Variants in TMC7 observed in about 807,000 individuals in gnomAD.
The protein encoded by TMC7 is transmembrane channel-like protein 7.
TMC7 carries 54 observed loss-of-function variants against 82.9 expected under a neutral mutation model. The ratio of observed to expected loss-of-function variants is 0.65; its 90% CI spans 0.52 to 0.82. The LOEUF is 0.82. Among genes scored for constraint, TMC7 ranks in the 40% least tolerant of loss-of-function variants. TMC7 has a pLI of 0.00. For missense variants in TMC7, 820 were observed against 901.2 expected (o/e 0.91, Z 1.15); for synonymous variants, 350 against 337.9 (o/e 1.04, Z -0.39).
Position 19,034,872 on chromosome 16 carries a change from A to G in TMC7, c.858-804A>G, listed in dbSNP as rs932785076. Among the ~76,000 whole-genome samples the G allele has an allele frequency of 1.6e-4, 25 of 152,158 alleles. 1 individual carries two copies. Among genetic ancestry groups the G allele is most frequent in the Non-Finnish European group, 1.5e-5 (1 of 68,022 alleles). On this transcript the variant is annotated intron_variant, in intron 6 of 15. Transcript: ENST00000304381. The stretch of plus-strand genomic sequence containing the variant: ...AAAGCAAGTATAGTTACATGGGAGG[A>G]GAGACGACAGCAGAGCTGGATCATA...
At chr16:19,053,776 A>G (rs978333972) in intron 13 of TMC7, among the ~76,000 whole-genome samples, 2 of 150,128 alleles carry the variant, frequency 1.3e-5, no homozygotes, top group African/African-American at 2.5e-5. Context: ...GTGAAAATTC[A>G]TTTTCTCATT....
At chr16:19,006,270 G>A (rs1399165732) in intron 1 of TMC7, among the ~76,000 whole-genome samples, 3 of 150,584 alleles carry the variant, frequency 2.0e-5, no homozygotes, top group African/African-American at 2.5e-5. Context: ...GCACGATCTC[G>A]GCTCACTGCA....
intron 1 of TMC7, among the ~76,000 whole-genome samples, chr16:19,002,219 T>C (rs1056322326): frequency 3.3e-5 from 5 of 150,984 alleles, no homozygotes; most frequent in African/African-American, 1.2e-4. Context: ...CATTCATTCT[T>C]CAGATGGAGG....
At chr16:19,028,627 C>A (rs1415988816) in intron 5 of TMC7, among the ~76,000 whole-genome samples, 2 of 151,796 alleles carry the variant, frequency 1.3e-5, no homozygotes, top group Non-Finnish European at 2.9e-5. Context: ...GGATGTTGTC[C>A]GTTTCTTTAG....
intron 7 of TMC7, 101 bp downstream of exon 7, chr16:19,035,924 G>A: frequency 3.8e-6 from 5 of 1,322,746 alleles, no homozygotes; most frequent in South Asian, 1.5e-5. Flanking sequence ...GTCGGGGACA[G>A]GTTGTCCCTG....
chr16:19,003,841 G>A (rs368279774), intron 1 of TMC7, among the ~76,000 whole-genome samples: 1 of 99,994 alleles, frequency 1.0e-5, no homozygotes, highest in African/African-American at 4.0e-5. Context: ...CAGCATGCTC[G>A]TTAAGAGTCA....
chr16:18,984,153 C>A, intron 1 of TMC7, 23 bp downstream of exon 1: 3 of 1,488,104 alleles, frequency 2.0e-6, no homozygotes, highest in East Asian at 2.8e-5. Context: ...GGAGCGCGCG[C>A]GGGGACGGTG....
rs1356521868 is a variant in TMC7 at position 19,063,697 on chromosome 16, T to TGTGTGA, written c.*1855_*1856insTGTGAG. Reference sequence around the variant, plus strand: ...TTGTGTGTGTGTGTGTGTGTGTGTGTGATGAACACAACGAAAACGTACTGC... The same window carrying TGTGTGA: ...TTGTGTGTGTGTGTGTGTGTGTGTGTGTGTGAGATGAACACAACGAAAACGTACTGC... On this transcript the variant is annotated 3_prime_UTR_variant, in exon 16 of 16. Transcript: ENST00000304381. 2 of 151,676 alleles carry TGTGTGA rather than the reference T, an allele frequency of 1.3e-5. No homozygotes were observed. Among genetic ancestry groups the TGTGTGA allele is most frequent in the Non-Finnish European group, 2.9e-5 (2 of 67,824 alleles). 9.4% of individuals were successfully genotyped at this position (151,676 alleles called of 1,614,324 possible).
chr16:19,023,931 A>C (rs1235153019), intron 5 of TMC7, among the ~76,000 whole-genome samples: 2 of 152,222 alleles, frequency 1.3e-5, no homozygotes. Flanking sequence ...AATTACACAC[A>C]GGGACATGTG....
chr16:18,992,258 G>C (rs1007958156), intron 1 of TMC7, among the ~76,000 whole-genome samples: 2 of 152,166 alleles, frequency 1.3e-5, no homozygotes, highest in African/African-American at 2.4e-5. Context: ...TCCAGCGCCT[G>C]TTGTTTCCTG....
chr16:19,044,809 C>T, intron 9 of TMC7, 75 bp from the exon 10 acceptor site: 1 of 826,614 alleles, frequency 1.2e-6, no homozygotes, highest in South Asian at 1.4e-5. Flanking sequence ...CTTCTACATT[C>T]CCTAGCCCCA....
At chr16:18,996,615 A>G (rs1212894097) in intron 1 of TMC7, among the ~76,000 whole-genome samples, 2 of 152,178 alleles carry the variant, frequency 1.3e-5, no homozygotes. Flanking sequence ...GTTCTTGAGA[A>G]CACAGGCTAA....
At chr16:19,040,542 T>G in intron 9 of TMC7, 96 bp downstream of exon 9, 2 of 1,182,354 alleles carry the variant, frequency 1.7e-6, no homozygotes, top group Non-Finnish European at 2.4e-6. Context: ...TTGTAGTGCA[T>G]TTTCCTGCTG....
chr16:18,984,538 G>A, intron 1 of TMC7: 1 of 1,013,206 alleles, frequency 9.9e-7, no homozygotes, highest in Non-Finnish European at 1.2e-6. Flanking sequence ...AGACCAACTT[G>A]AAACCGAATT....
chr16:18,987,463 A>G (rs2038872903), intron 1 of TMC7, among the ~76,000 whole-genome samples: 2 of 151,994 alleles, frequency 1.3e-5, no homozygotes, highest in African/African-American at 4.8e-5. Flanking sequence ...GGCACGTGCC[A>G]CCATGCCCAG....
At chr16:19,021,817 A>G (rs113373134) in intron 4 of TMC7, 21 bp downstream of exon 4, 1 of 1,610,668 alleles carries the variant, frequency 6.2e-7, no homozygotes, top group Non-Finnish European at 8.5e-7. Context: ...GGCCTGGTTT[A>G]CTACGAAGTG....
At chr16:19,035,261 CTG>C (rs916537348) in intron 6 of TMC7, among the ~76,000 whole-genome samples, 10 of 152,086 alleles carry the variant, frequency 6.6e-5, no homozygotes, top group African/African-American at 2.2e-4. Flanking sequence ...ACAAAAGAAA[CTG>C]AGGAATCCTA....
chr16:19,032,140 C>T (rs1363737500), intron 6 of TMC7, among the ~76,000 whole-genome samples: 1 of 152,180 alleles, frequency 6.6e-6, no homozygotes, highest in East Asian at 1.9e-4. Flanking sequence ...TTGATTGTCC[C>T]TGTGAGAGCA....
Position 18,990,552 on chromosome 16 carries a change from A to G in TMC7, c.67+6422A>G, listed in dbSNP as rs142281735. ...CACGTGTCCGTGTGAAGAGACCACCAAACAGGCTTTGCGTGAGCAGCGTAG... is the reference window on the plus strand; with the variant it reads ...CACGTGTCCGTGTGAAGAGACCACCGAACAGGCTTTGCGTGAGCAGCGTAG... On this transcript the variant is annotated intron_variant, in intron 1 of 15. Transcript: ENST00000304381. Among the ~76,000 whole-genome samples the G allele has an allele frequency of 8.4e-3, 1,282 of 152,328 alleles. 37 individuals are homozygous for G. Among genetic ancestry groups the G allele is most frequent in the East Asian group, 0.057 (294 of 5,172 alleles).
Sources: gnomAD v4.1 joint callset for allele counts (sites outside exome capture counted in the v4.1 genomes callset) on GRCh38, gnomAD v4.1.1 for gene constraint, MANE v1.5 for transcripts, NCBI Gene and HGNC (gene_info 2026-07-23, HGNC 2026-07-21) for gene names.